The following SOX5 variants were observed in gnomAD, a reference collection of about 807,000 sequenced individuals.
SOX5 encodes SRY-box transcription factor 5, also known as transcription factor SOX-5.
A neutral mutation model predicts 92.0 loss-of-function variants in SOX5; 9 were observed. The observed-to-expected ratio is 0.10, with a 90% CI of 0.06 to 0.17. SOX5 has a LOEUF of 0.17. Ranked by LOEUF, SOX5 falls within the 10% of genes least tolerant of loss-of-function variation. SOX5 has a pLI of 1.00. For missense variants in SOX5, 642 were observed against 944.5 expected (o/e 0.68, Z 4.20); for synonymous variants, 344 against 336.3 (o/e 1.02, Z -0.25).
intron 1 of SOX5, among the ~76,000 whole-genome samples, chr12:24,438,278 G>C (rs562709569): frequency 1.3e-5 from 2 of 152,252 alleles, no homozygotes; most frequent in African/African-American, 4.8e-5. Context: ...ACCAGGGCCT[G>C]TCAGGGTTGG....
intron 1 of SOX5, among the ~76,000 whole-genome samples, chr12:24,528,222 T>C (rs1444479153): frequency 6.6e-6 from 1 of 152,198 alleles, no homozygotes; most frequent in Admixed American, 6.5e-5. Flanking sequence ...CTTCTCAAGA[T>C]CTCATTTATA....
chr12:23,954,751 G>T (rs1051738360), upstream of SOX5, among the ~76,000 whole-genome samples: 3 of 151,908 alleles, frequency 2.0e-5, no homozygotes, highest in Non-Finnish European at 4.4e-5. Flanking sequence ...ATTGTCAGTT[G>T]GTTAGAATAC....
chr12:24,521,012 A>G (rs1950215455), intron 1 of SOX5, among the ~76,000 whole-genome samples: 1 of 152,208 alleles, frequency 6.6e-6, no homozygotes, highest in Admixed American at 6.5e-5. Flanking sequence ...GCAAATATTG[A>G]CAGATCTGAA....
At chr12:23,802,326 C>T (rs190939660) in intron 3 of SOX5, among the ~76,000 whole-genome samples, 160 of 152,186 alleles carry the variant, frequency 1.1e-3, no homozygotes, top group African/African-American at 3.6e-3. Context: ...GTGATCAGCC[C>T]GTCTCGGCCT....
At chr12:24,255,852 A>G (rs1286366333) in intron 3 of SOX5, among the ~76,000 whole-genome samples, 3 of 152,252 alleles carry the variant, frequency 2.0e-5, no homozygotes, top group Non-Finnish European at 4.4e-5. Flanking sequence ...ATTATTTCAT[A>G]AAGCCATGAC....
chr12:24,404,642 G>A (rs1385394928), intron 1 of SOX5, among the ~76,000 whole-genome samples: 1 of 152,180 alleles, frequency 6.6e-6, no homozygotes, highest in African/African-American at 2.4e-5. Flanking sequence ...GAGCTGAGAT[G>A]AAGTGTAGGA....
rs143904305 is a variant in SOX5 at position 24,141,302 on chromosome 12, A to C, written c.-2+72041T>G. ...ATCCTAAGTGTTGCAAAGTGTTATT[A>C]AATGAAGGAAAAATCTGTCAGTAAG... On this transcript the variant is annotated intron_variant, in intron 4 of 4. Coordinates refer to the SOX5 transcript ENST00000446891. Among the ~76,000 whole-genome samples, 79 of 152,308 alleles carry C rather than the reference A, an allele frequency of 5.2e-4. 1 individual carries two copies. The East Asian group carries it at 0.012, about 23-fold the overall frequency.
chr12:24,318,030 G>C (rs890152701), intron 2 of SOX5, among the ~76,000 whole-genome samples: 14 of 152,006 alleles, frequency 9.2e-5, no homozygotes, highest in African/African-American at 3.4e-4. Flanking sequence ...GTTCAACATG[G>C]TGAAACCCCA....
At chr12:23,587,744 G>C (rs192143456) in intron 9 of SOX5, among the ~76,000 whole-genome samples, 1 of 152,076 alleles carries the variant, frequency 6.6e-6, no homozygotes, top group East Asian at 1.9e-4. Context: ...TATTTATATA[G>C]ACCTATTTGC....
chr12:24,505,858 T>TGTGTGTGTGTGCGCGCGC lies in SOX5; in HGVS notation c.-251+56470_-251+56471insGCGCGCGCACACACACAC, dbSNP rs1196611163. ...GTGTGTGTGTGTGTGTGTGTGCGTG[T>TGTGTGTGTGTGCGCGCGC]GTGTGTGTGTGTGTGCGCATCACTG... On this transcript the variant is annotated intron_variant, in intron 1 of 4. Transcript: ENST00000446891. 7.0e-3 allele frequency among the ~76,000 whole-genome samples: 497 copies of TGTGTGTGTGTGCGCGCGC among 71,190 alleles called. 4 individuals carry two copies. The highest frequency in any genetic ancestry group is 0.023 in the African/African-American group (464 of 20,566). 46.7% of individuals were successfully genotyped at this position (71,190 alleles called of 152,430 possible).
intron 4 of SOX5, among the ~76,000 whole-genome samples, chr12:24,196,760 A>C (rs914800568): frequency 6.6e-6 from 1 of 152,094 alleles, no homozygotes; most frequent in African/African-American, 2.4e-5. Context: ...AAAATGAGCC[A>C]GGCGTGGTGG....
At chr12:23,814,463 T>C (rs1481147988) in intron 3 of SOX5, among the ~76,000 whole-genome samples, 9 of 152,294 alleles carry the variant, frequency 5.9e-5, no homozygotes, top group South Asian at 4.1e-4. Flanking sequence ...AGGACCCCAA[T>C]ACTGGAAGTG....
At chr12:23,841,316 G>A (rs1197621116) in intron 3 of SOX5, among the ~76,000 whole-genome samples, 1 of 152,034 alleles carries the variant, frequency 6.6e-6, no homozygotes, top group Non-Finnish European at 1.5e-5. Flanking sequence ...AAATTCTGAT[G>A]AGAATGTGGA....
chr12:23,670,864 T>C (rs1348394479), intron 6 of SOX5, among the ~76,000 whole-genome samples: 3 of 152,072 alleles, frequency 2.0e-5, no homozygotes, highest in African/African-American at 7.2e-5. Flanking sequence ...TGAGACCACA[T>C]GAATTGTAAT....
At chr12:23,540,217 A>G (rs1247184319) in intron 13 of SOX5, among the ~76,000 whole-genome samples, 1 of 151,976 alleles carries the variant, frequency 6.6e-6, no homozygotes, top group Non-Finnish European at 1.5e-5. Context: ...TCGTTTTAGA[A>G]TAAAAAAGCA....
intron 1 of SOX5, among the ~76,000 whole-genome samples, chr12:24,456,456 T>C (rs1344441001): frequency 1.3e-5 from 2 of 152,202 alleles, no homozygotes; most frequent in Non-Finnish European, 2.9e-5. Context: ...AGGGTCAGAA[T>C]GCATGAGAGA....
chr12:23,764,170 A>G (rs2094641223), intron 3 of SOX5, among the ~76,000 whole-genome samples: 1 of 152,124 alleles, frequency 6.6e-6, no homozygotes, highest in Non-Finnish European at 1.5e-5. Context: ...TGATGCATCC[A>G]TAACAGTCAA....
intron 2 of SOX5, among the ~76,000 whole-genome samples, chr12:24,301,641 C>T (rs1237850779): frequency 6.6e-6 from 1 of 152,140 alleles, no homozygotes; most frequent in Non-Finnish European, 1.5e-5. Flanking sequence ...ATTGCAGTTT[C>T]TAATAATGTA....
At chr12:23,691,679 A>G (rs1410877454) in intron 6 of SOX5, among the ~76,000 whole-genome samples, 2 of 152,084 alleles carry the variant, frequency 1.3e-5, no homozygotes. Context: ...CAGTTCTATC[A>G]TATTTTAAAT....
Sources: gnomAD v4.1 joint callset for allele counts (sites outside exome capture counted in the v4.1 genomes callset) on GRCh38, gnomAD v4.1.1 for gene constraint, MANE v1.5 for transcripts, NCBI Gene and HGNC (gene_info 2026-07-23, HGNC 2026-07-21) for gene names.